The following KIRREL3 variants were observed in gnomAD, a reference collection of about 807,000 sequenced individuals.
The protein encoded by KIRREL3 is kirre like nephrin family adhesion molecule 3, also known as kin of IRRE-like protein 3.
KIRREL3 carries 36 observed loss-of-function variants against 89.7 expected under a neutral mutation model. The observed-to-expected ratio is 0.40, with a 90% CI of 0.31 to 0.53. KIRREL3 has a LOEUF of 0.53. KIRREL3 is among the 20% of genes least tolerant of loss of function. The pLI, the probability that KIRREL3 is intolerant of heterozygous loss-of-function variation, is 0.49. For missense variants in KIRREL3, 864 were observed against 1,056.6 expected (o/e 0.82, Z 2.53); for synonymous variants, 445 against 441.4 (o/e 1.01, Z -0.10).
At chr11:126,938,901 C>A (rs1021573860) in intron 1 of KIRREL3, among the ~76,000 whole-genome samples, 9 of 152,072 alleles carry the variant, frequency 5.9e-5, no homozygotes, top group African/African-American at 2.2e-4. Flanking sequence ...CAGCACCAGG[C>A]CTAAGGACAG....
At chr11:126,657,465 A>T (rs1174861302) in intron 1 of KIRREL3, among the ~76,000 whole-genome samples, 3 of 152,210 alleles carry the variant, frequency 2.0e-5, no homozygotes, top group East Asian at 3.9e-4. Flanking sequence ...CATATGTGGC[A>T]GGGCACAGGT....
At position 126,883,558 on chromosome 11, in the gene KIRREL3, T is replaced by C. The variant is rs1372527233; in HGVS notation, c.55+116897A>G. On this transcript the variant is annotated intron_variant, in intron 1 of 16. Transcript: ENST00000525144. This position sits in a 1 kb window ranked among gnomAD's most constrained non-coding sequence, Gnocchi z 4.1. ...GAAAAAATCCAAACCTTTGATGAAG[T>C]TTGGGTAAAGTCACTTTCTGCAGTG... Among the ~76,000 whole-genome samples the C allele has an allele frequency of 6.6e-6, 1 of 152,076 alleles. No homozygotes were observed. The highest frequency in any genetic ancestry group is 2.1e-4 in the South Asian group (1 of 4,822).
intron 16 of KIRREL3, among the ~76,000 whole-genome samples, chr11:126,425,393 G>A (rs1393221493): frequency 2.0e-5 from 3 of 152,206 alleles, no homozygotes; most frequent in Non-Finnish European, 4.4e-5. Flanking sequence ...GCTTCATTTT[G>A]AATCTACATG....
chr11:126,609,905 A>G lies in KIRREL3; in HGVS notation c.56-46993T>C, dbSNP rs1403167669. 1.3e-5 allele frequency among the ~76,000 whole-genome samples: 2 copies of G among 152,220 alleles called. No individual in the cohort carries two copies. Among genetic ancestry groups the G allele is most frequent in the Non-Finnish European group, 2.9e-5 (2 of 68,048 alleles). On this transcript the variant is annotated intron_variant, in intron 1 of 16. Transcript: ENST00000525144. The surrounding 1 kb of genome is among the most constrained non-coding windows in gnomAD (Gnocchi z 5.0). ...ACCTGATGATGCGATAGGCACCGAG[A>G]TAAGAATTTTATGTGGATGACTTCA...
At chr11:126,716,643 G>A (rs546666042) in intron 1 of KIRREL3, among the ~76,000 whole-genome samples, 2 of 152,044 alleles carry the variant, frequency 1.3e-5, no homozygotes, top group East Asian at 1.9e-4. Context: ...AAACACCAGG[G>A]GGAGCTATCA....
intron 6 of KIRREL3, among the ~76,000 whole-genome samples, chr11:126,461,298 C>G (rs1956532797): frequency 6.6e-6 from 1 of 152,262 alleles, no homozygotes; most frequent in Non-Finnish European, 1.5e-5. Context: ...TGCTCAGACC[C>G]AGGACCCAGG....
In KIRREL3 at chr11:126,495,758, C is replaced by T. The variant is rs1453608870; in HGVS notation, c.434-22292G>A. Among the ~76,000 whole-genome samples the T allele has an allele frequency of 6.6e-6, 1 of 152,190 alleles. No homozygotes were observed. Among genetic ancestry groups the T allele is most frequent in the Non-Finnish European group, 1.5e-5 (1 of 68,036 alleles). On this transcript the variant is annotated intron_variant, in intron 4 of 16. Transcript: ENST00000525144. The surrounding 1 kb of genome is among the most constrained non-coding windows in gnomAD (Gnocchi z 6.5). ...TGGGCACTCCCTGCCCTTCTCACCGCTCTCCTTGTAAAAGGCAGTGCTGTG... is the reference window on the plus strand; with the variant it reads ...TGGGCACTCCCTGCCCTTCTCACCGTTCTCCTTGTAAAAGGCAGTGCTGTG...
chr11:126,716,788 C>A (rs2134160139), intron 1 of KIRREL3, among the ~76,000 whole-genome samples: 1 of 150,130 alleles, frequency 6.7e-6, no homozygotes, highest in African/African-American at 2.5e-5. Context: ...ACAGCTGATT[C>A]TTTCTAGCTG....
rs1947904623 is a variant in KIRREL3, at chr11:126,715,017, A to C, written c.56-152105T>G. On this transcript the variant is annotated intron_variant, in intron 1 of 16. Transcript: ENST00000525144. This position sits in a 1 kb window ranked among gnomAD's most constrained non-coding sequence, Gnocchi z 4.4. ...GACTCAGGCTTCATCTTTTTCTCAG[A>C]TTCTAAACTCACACCCCACCTTTCT... 6.6e-6 allele frequency among the ~76,000 whole-genome samples: 1 copy of C among 152,116 alleles called. No individual in the cohort carries two copies. Among genetic ancestry groups the C allele is most frequent in the African/African-American group, 2.4e-5 (1 of 41,418 alleles).
At chr11:126,792,288 G>T (rs1488376349) in intron 1 of KIRREL3, among the ~76,000 whole-genome samples, 1 of 152,194 alleles carries the variant, frequency 6.6e-6, no homozygotes, top group Non-Finnish European at 1.5e-5. Context: ...ATGAAATCAT[G>T]AGTGGTGTTG....
At position 126,611,578 on chromosome 11, in the gene KIRREL3, C is replaced by T. The variant is rs180706096; in HGVS notation, c.56-48666G>A. ...TACTCTTCCCTTTATCCTGAGGTGT[C>T]GTGAGGGCAATGGCCTGCAGAGTCC... On this transcript the variant is annotated intron_variant, in intron 1 of 16. Transcript: ENST00000525144. This position sits in a 1 kb window ranked among gnomAD's most constrained non-coding sequence, Gnocchi z 4.7. Among the ~76,000 whole-genome samples the T allele has an allele frequency of 4.6e-5, 7 of 152,278 alleles. No individual in the cohort carries two copies. The highest frequency in any genetic ancestry group is 2.0e-4 in the Admixed American group (3 of 15,298).
chr11:126,822,444 G>A (rs947814288), intron 1 of KIRREL3, among the ~76,000 whole-genome samples: 3 of 151,900 alleles, frequency 2.0e-5, no homozygotes, highest in African/African-American at 7.3e-5. Flanking sequence ...ATTTCAAGGG[G>A]CCCTGCCCTT....
rs1398985389 is a variant in KIRREL3, at chr11:126,432,675, C to T, written c.1589-1149G>A. 3.9e-5 allele frequency among the ~76,000 whole-genome samples: 6 copies of T among 152,104 alleles called. No homozygotes were observed. The highest frequency in any genetic ancestry group is 1.3e-4 in the Admixed American group (2 of 15,264). On this transcript the variant is annotated intron_variant, in intron 13 of 16. Transcript: ENST00000525144. The surrounding 1 kb of genome is among the most constrained non-coding windows in gnomAD (Gnocchi z 6.2). ...GGTACCGCCCAGACTGCTGCTGCTC[C>T]GAGTCCTGGCTCCATCCCTTCTGCT... is the stretch of plus-strand genomic sequence containing the variant.
Position 126,432,083 on chromosome 11 carries a change from G to A in KIRREL3, c.1589-557C>T, listed in dbSNP as rs1010004020. Among the ~76,000 whole-genome samples, 1 of 152,150 alleles carries A rather than the reference G, an allele frequency of 6.6e-6. No individual in the cohort carries two copies. Among genetic ancestry groups the A allele is most frequent in the African/African-American group, 2.4e-5 (1 of 41,434 alleles). The stretch of plus-strand genomic sequence containing the variant: ...GCAGGTCTGCTGGGCATCAGTTGTG[G>A]CCCTCAGGTGTCCAAGTCTCAGGGT... On this transcript the variant is annotated intron_variant, in intron 13 of 16. Transcript: ENST00000525144. This position sits in a 1 kb window ranked among gnomAD's most constrained non-coding sequence, Gnocchi z 6.2.
At chr11:126,777,800 C>T (rs1390580999) in intron 1 of KIRREL3, among the ~76,000 whole-genome samples, 3 of 152,122 alleles carry the variant, frequency 2.0e-5, no homozygotes, top group African/African-American at 4.8e-5. Context: ...CATGCTGTAA[C>T]TATTTATCTC....
rs1555090094 is a variant in KIRREL3, at chr11:126,923,129, C to CTTCTTCT, written c.55+77325_55+77326insAGAAGAA. Among the ~76,000 whole-genome samples, 55 of 25,736 alleles carry CTTCTTCT rather than the reference C, an allele frequency of 2.1e-3. 12 individuals are homozygous for CTTCTTCT. The highest frequency in any genetic ancestry group is 0.091 in the Middle Eastern group (2 of 22). The allele number at this position is 25,736 out of a possible 152,430, so 16.9% of individuals were successfully genotyped here. Reference sequence around the variant, plus strand: ...CCTTCTCCTTCTCCTTCTCCTTCTTCTCTTCTTCTTCTTCTTCTTCTTCTT... The same window carrying CTTCTTCT: ...CCTTCTCCTTCTCCTTCTCCTTCTTCTTCTTCTTCTTCTTCTTCTTCTTCTTCTTCTT... On this transcript the variant is annotated intron_variant, in intron 1 of 16. Transcript: ENST00000525144.
rs201202016 is a variant in KIRREL3 at position 126,828,945 on chromosome 11, A to C, written c.55+171510T>G. On this transcript the variant is annotated intron_variant, in intron 1 of 16. Transcript: ENST00000525144. ...AGATGGGAAACCAGGAGAAGCCAGC[A>C]GGAGAGACAGTATTGAGGCCACTGC... is the stretch of plus-strand genomic sequence containing the variant. Among the ~76,000 whole-genome samples, 27 of 152,336 alleles carry C rather than the reference A, an allele frequency of 1.8e-4. No individual in the cohort carries two copies. The East Asian group carries it at 4.8e-3, about 27-fold the overall frequency.
At chr11:126,436,663 G>A in intron 12 of KIRREL3, 148 bp downstream of exon 12, 1 of 815,784 alleles carries the variant, frequency 1.2e-6, no homozygotes, top group Non-Finnish European at 2.0e-6. Flanking sequence ...CTGCTGGCTG[G>A]CTAGGCTGTG....
chr11:126,616,021 G>C (rs769344441), intron 1 of KIRREL3, among the ~76,000 whole-genome samples: 1 of 152,156 alleles, frequency 6.6e-6, no homozygotes, highest in African/African-American at 2.4e-5. Flanking sequence ...CATTGTGTTA[G>C]TGTGTCCGTT....
Sources: allele counts gnomAD v4.1 joint callset (sites outside exome capture counted in the v4.1 genomes callset), GRCh38; gene constraint gnomAD v4.1.1; non-coding constraint Gnocchi (gnomAD v3.1); transcripts MANE v1.5; gene names NCBI Gene and HGNC (gene_info 2026-07-23, HGNC 2026-07-21).